VWC2L: variants seen among roughly 807,000 people sequenced by gnomAD.
VWC2L encodes the protein von Willebrand factor C domain containing 2 like.
VWC2L carries 10 observed loss-of-function variants against 21.6 expected under a neutral mutation model. The ratio of observed to expected loss-of-function variants is 0.46; its 90% confidence interval spans 0.29 to 0.78. The LOEUF (loss-of-function observed/expected upper bound fraction) is 0.78. VWC2L is among the 30% of genes least tolerant of loss of function. VWC2L has a pLI of 0.10. For missense variants in VWC2L, 209 were observed against 277.1 expected, an observed-to-expected ratio of 0.75 and a Z score of 1.74; for synonymous variants, 96 against 94.3, an observed-to-expected ratio of 1.02 and a Z score of -0.10.
intron 3 of VWC2L, among the ~76,000 whole-genome samples, chr2:214,550,281 C>T (rs1373912273): frequency 1.3e-5 from 2 of 152,120 alleles, no homozygotes; most frequent in Non-Finnish European, 2.9e-5. Flanking sequence ...CAGACTCGGC[C>T]ATAGGAGTGG....
At chr2:214,428,814 CAAAA>C (rs11431112) in intron 2 of VWC2L, among the ~76,000 whole-genome samples, 25 of 98,314 alleles carry the variant, frequency 2.5e-4, no homozygotes, top group Admixed American at 1.0e-4. Flanking sequence ...CAGACAGTGG[CAAAA>C]AAAAAAAAAA....
At chr2:214,532,147 T>C (rs1216106640) in intron 3 of VWC2L, among the ~76,000 whole-genome samples, 1 of 152,126 alleles carries the variant, frequency 6.6e-6, no homozygotes, top group East Asian at 1.9e-4. Flanking sequence ...GCTTCATTAG[T>C]TGACATAACC....
rs548382069 is a variant in VWC2L, at chr2:214,574,607, A to G, written c.521-1065A>G. 3.9e-5 allele frequency among the ~76,000 whole-genome samples: 6 copies of G among 152,306 alleles called. No homozygotes were observed. In the South Asian group the frequency reaches 8.3e-4, roughly 21 times the overall value. ...TTGTAGTGGTTATGGTGAGTGGCCA[A>G]TAATGCCAGGTTAATAAATCACTGG... On this transcript the variant is annotated intron_variant, in intron 3 of 3. Transcript: ENST00000312504.
chr2:214,475,472 A>G (rs1688503098), intron 3 of VWC2L, among the ~76,000 whole-genome samples: 1 of 152,126 alleles, frequency 6.6e-6, no homozygotes, highest in African/African-American at 2.4e-5. Flanking sequence ...CTCATTTTGG[A>G]AAGAAACATA....
At chr2:214,522,331 C>T (rs1023081620) in intron 3 of VWC2L, among the ~76,000 whole-genome samples, 10 of 146,702 alleles carry the variant, frequency 6.8e-5, no homozygotes, top group African/African-American at 2.5e-4. Context: ...GCCGAGATCG[C>T]GCCACTGCAC....
intron 3 of VWC2L, among the ~76,000 whole-genome samples, chr2:214,439,047 T>C (rs1219492591): frequency 6.6e-6 from 1 of 152,066 alleles, no homozygotes; most frequent in Non-Finnish European, 1.5e-5. Context: ...AGATGTTATC[T>C]TTTTGTTATT....
At chr2:214,540,816 G>A (rs1186483374) in intron 3 of VWC2L, among the ~76,000 whole-genome samples, 1 of 152,144 alleles carries the variant, frequency 6.6e-6, no homozygotes, top group Non-Finnish European at 1.5e-5. Flanking sequence ...AGATTTCATG[G>A]TAATATATGC....
chr2:214,530,619 T>A (rs573919742), intron 3 of VWC2L, among the ~76,000 whole-genome samples: 138 of 152,176 alleles, frequency 9.1e-4, no homozygotes, highest in Non-Finnish European at 1.2e-3. Context: ...AGGAGATGGA[T>A]CTTTCAAGCA....
chr2:214,428,814 CA>C (rs11431112), intron 2 of VWC2L, among the ~76,000 whole-genome samples: 2,106 of 98,306 alleles, frequency 0.021, 26 homozygotes, highest in African/African-American at 0.051. Context: ...CAGACAGTGG[CA>C]AAAAAAAAAA....
chr2:214,575,277 G>A (rs757038425), intron 3 of VWC2L, among the ~76,000 whole-genome samples: 9 of 152,118 alleles, frequency 5.9e-5, no homozygotes, highest in Non-Finnish European at 1.0e-4. Flanking sequence ...GGCCAAGGGT[G>A]CCACCATCTG....
intron 3 of VWC2L, among the ~76,000 whole-genome samples, chr2:214,444,517 C>A (rs1032594625): frequency 6.6e-5 from 10 of 151,978 alleles, no homozygotes; most frequent in Non-Finnish European, 1.3e-4. Flanking sequence ...AATGGAAATT[C>A]TATACAATTT....
intron 2 of VWC2L, among the ~76,000 whole-genome samples, chr2:214,417,888 A>G (rs1283915078): frequency 6.6e-6 from 1 of 152,212 alleles, no homozygotes; most frequent in Non-Finnish European, 1.5e-5. Context: ...GTTGCAGAAA[A>G]AAAGAGAATG....
At chr2:214,472,019 A>G (rs1051556975) in intron 3 of VWC2L, 1 of 152,012 alleles carries the variant, frequency 6.6e-6, no homozygotes, top group African/African-American at 2.4e-5. Flanking sequence ...TCTCTTAATG[A>G]TTGTGTTTGG....
At chr2:214,507,992 A>T (rs760219549) in intron 3 of VWC2L, among the ~76,000 whole-genome samples, 10 of 152,032 alleles carry the variant, frequency 6.6e-5, no homozygotes, top group Non-Finnish European at 1.5e-4. Context: ...TTATTTATTT[A>T]TTGAGACAGA....
At chr2:214,413,479 G>A (rs1011284990) in intron 1 of VWC2L, among the ~76,000 whole-genome samples, 2 of 151,984 alleles carry the variant, frequency 1.3e-5, no homozygotes, top group African/African-American at 4.8e-5. Context: ...CTATGGAATA[G>A]TTATGTTGTT....
At chr2:214,508,008 G>A (rs181158083) in intron 3 of VWC2L, among the ~76,000 whole-genome samples, 42 of 152,084 alleles carry the variant, frequency 2.8e-4, no homozygotes, top group African/African-American at 1.0e-3. Flanking sequence ...ACAGAGTCTC[G>A]CTCTGTCGCC....
intron 3 of VWC2L, among the ~76,000 whole-genome samples, chr2:214,543,491 CAG>C (rs961825742): frequency 3.3e-5 from 5 of 152,006 alleles, no homozygotes; most frequent in East Asian, 1.9e-4. Context: ...ATTTCATAAA[CAG>C]AGTTTTTTTG....
Position 214,567,547 on chromosome 2 carries a change from TACACACACACACACACACAC to T in VWC2L, c.521-8095_521-8076del, listed in dbSNP as rs71409879. 7.4e-4 allele frequency among the ~76,000 whole-genome samples: 89 copies of T among 119,916 alleles called. 1 individual carries two copies. The highest frequency in any genetic ancestry group is 4.2e-3 in the Middle Eastern group (1 of 238). The allele number at this position is 119,916 out of a possible 152,430, so 78.7% of individuals were successfully genotyped here. A position where few individuals can be genotyped will look rare whatever the true frequency, so the allele number is the denominator to read the frequency against. ...TCATCCATTCACCCCTTCATCCACA[TACACACACACACACACACAC>T]ACACACACACACACACACACACACA... is the stretch of plus-strand genomic sequence containing the variant. On this transcript the variant is annotated intron_variant, in intron 3 of 3. Transcript: ENST00000312504.
At position 214,555,787 on chromosome 2, in the gene VWC2L, A is replaced by G. The variant is rs1689864137; in HGVS notation, c.521-19885A>G. ...TCCCCTAGTCTAATAATTGTACTTT[A>G]TTTATTTGCTCATTAGTGTATGAAG... On this transcript the variant is annotated intron_variant, in intron 3 of 3. Coordinates refer to ENST00000312504, the MANE Select transcript of VWC2L (RefSeq NM_001080500.4). 1.3e-5 allele frequency among the ~76,000 whole-genome samples: 2 copies of G among 152,184 alleles called. 1 individual carries two copies. Among genetic ancestry groups the G allele is most frequent in the South Asian group, 4.1e-4 (2 of 4,824 alleles).
Sources: gnomAD v4.1 joint callset for allele counts (sites outside exome capture counted in the v4.1 genomes callset) on GRCh38, gnomAD v4.1.1 for gene constraint, MANE v1.5 for transcripts, NCBI Gene and HGNC (gene_info 2026-07-23, HGNC 2026-07-21) for gene names.